Variants in AGO2 observed in about 807,000 individuals in gnomAD.
AGO2 encodes protein argonaute-2.
In AGO2, 5 loss-of-function variants were observed where a neutral mutation model predicts 102.3. The ratio of observed to expected loss-of-function variants is 0.05; its 90% CI spans 0.03 to 0.10. The LOEUF (loss-of-function observed/expected upper bound fraction) is 0.10. Ranked by LOEUF, AGO2 falls within the 10% of genes least tolerant of loss-of-function variation. The pLI is 1.00. For missense variants in AGO2, 541 were observed against 1,183.7 expected (o/e 0.46, Z 7.97); for synonymous variants, 449 against 473.1 (o/e 0.95, Z 0.66).
chr8:140,629,632 G>A (rs1432555570), intron 1 of AGO2, among the ~76,000 whole-genome samples: 1 of 151,774 alleles, frequency 6.6e-6, no homozygotes, highest in Non-Finnish European at 1.5e-5. Flanking sequence ...TTGAATCCAG[G>A]AGCTCCAGAA....
intron 1 of AGO2, among the ~76,000 whole-genome samples, chr8:140,608,785 T>C (rs907528060): frequency 1.3e-5 from 2 of 152,228 alleles, no homozygotes; most frequent in Non-Finnish European, 2.9e-5. Flanking sequence ...GCGAGACCTA[T>C]TACTTTCCAG....
At chr8:140,569,476 T>TTATAGTTG (rs2073343910) in intron 3 of AGO2, among the ~76,000 whole-genome samples, 1 of 152,204 alleles carries the variant, frequency 6.6e-6, no homozygotes, top group African/African-American at 2.4e-5. Context: ...TTTAGGGAGT[T>TTATAGTTG]TATAGTTGTC....
intron 1 of AGO2, among the ~76,000 whole-genome samples, chr8:140,622,174 C>A (rs948570093): frequency 6.6e-6 from 1 of 152,204 alleles, no homozygotes; most frequent in African/African-American, 2.4e-5. Flanking sequence ...AGAACATACT[C>A]GGAACAGGTC....
intron 3 of AGO2, among the ~76,000 whole-genome samples, chr8:140,571,841 G>T (rs957919851): frequency 6.6e-6 from 1 of 152,170 alleles, no homozygotes; most frequent in African/African-American, 2.4e-5. Context: ...CGCCTCCCAG[G>T]TTCAAGCGAT....
rs146717042 is a variant in AGO2 at position 140,619,837 on chromosome 8, G to C, written c.22+15648C>G. 7.8e-3 allele frequency among the ~76,000 whole-genome samples: 1,192 copies of C among 152,326 alleles called. 15 individuals are homozygous for C. Among genetic ancestry groups the C allele is most frequent in the Non-Finnish European group, 8.5e-3 (575 of 68,040 alleles). Reference sequence around the variant, plus strand: ...AATGGGGGAGGCGAGAAACCCTGCTGGGGTGGATGTGAATCTGAAACACCG... The same window carrying C: ...AATGGGGGAGGCGAGAAACCCTGCTCGGGTGGATGTGAATCTGAAACACCG... On this transcript the variant is annotated intron_variant, in intron 1 of 18. Transcript: ENST00000220592.
chr8:140,635,567 A>C lies in AGO2; in HGVS notation c.-61T>G. 1 of 968,802 alleles carries C rather than the reference A, an allele frequency of 1.0e-6. No individual in the cohort carries two copies. Among genetic ancestry groups the C allele is most frequent in the South Asian group, 4.7e-5 (1 of 21,260 alleles). 60.0% of individuals were successfully genotyped at this position (968,802 alleles called of 1,614,324 possible). A position where few individuals can be genotyped will look rare whatever the true frequency, so the allele number is the denominator to read the frequency against. Reference sequence around the variant, plus strand: ...GGCCGCGCGCGCGCCACGGGCCCCGACGCCGCGAGCCGCGAGGGAGCCGCC... The same window carrying C: ...GGCCGCGCGCGCGCCACGGGCCCCGCCGCCGCGAGCCGCGAGGGAGCCGCC... On this transcript the variant is annotated 5_prime_UTR_variant, in exon 1 of 19. Coordinates refer to ENST00000220592, the MANE Select transcript of AGO2 (RefSeq NM_012154.5).
chr8:140,549,396 C>T, intron 11 of AGO2, 98 bp from the exon 12 acceptor site: 3 of 1,268,324 alleles, frequency 2.4e-6, no homozygotes, highest in Non-Finnish European at 3.2e-6. Context: ...TTTACAAAGC[C>T]CAAAGCACTT....
rs988299356 is a variant in AGO2 at position 140,525,651 on chromosome 8, G to A, written c.*6393C>T. 1 of 152,238 alleles carries A rather than the reference G, an allele frequency of 6.6e-6. No homozygotes were observed. Among genetic ancestry groups the A allele is most frequent in the African/African-American group, 2.4e-5 (1 of 41,430 alleles). The allele number at this position is 152,238 out of a possible 1,614,324, so 9.4% of individuals were successfully genotyped here. A position where few individuals can be genotyped will look rare whatever the true frequency, so the allele number is the denominator to read the frequency against. On this transcript the variant is annotated 3_prime_UTR_variant, in exon 19 of 19. Coordinates refer to ENST00000220592, the MANE Select transcript of AGO2 (RefSeq NM_012154.5). ...GCCGGGGCCAAACTCAATGTCTGAT[G>A]AGCAGCCAACATGAGAACGGGGCCA...
At position 140,522,140 on chromosome 8, in the gene AGO2, A is replaced by G. The variant is rs1464250699; in HGVS notation, c.*9904T>C. 1 of 152,172 alleles carries G rather than the reference A, an allele frequency of 6.6e-6. No individual in the cohort carries two copies. Among genetic ancestry groups the G allele is most frequent in the East Asian group, 1.9e-4 (1 of 5,200 alleles). 9.4% of individuals were successfully genotyped at this position (152,172 alleles called of 1,614,324 possible). A position where few individuals can be genotyped will look rare whatever the true frequency, so the allele number is the denominator to read the frequency against. On this transcript the variant is annotated 3_prime_UTR_variant, in exon 19 of 19. Transcript: ENST00000220592. ...ATATAAATAAAATATGTACTGTTTC[A>G]TACTGAATTTTTTCAATGCATTGGG...
chr8:140,589,139 A>T lies in AGO2; in HGVS notation c.23-3828T>A, dbSNP rs2073709365. Among the ~76,000 whole-genome samples the T allele has an allele frequency of 6.6e-6, 1 of 152,120 alleles. No individual in the cohort carries two copies. The highest frequency in any genetic ancestry group is 1.5e-5 in the Non-Finnish European group (1 of 68,012). Reference sequence around the variant, plus strand: ...TTGGCTCCTCCCCGACTTTTCAGGGAGGGATGTGGAGCAGACTCTGTGCCA... The same window carrying T: ...TTGGCTCCTCCCCGACTTTTCAGGGTGGGATGTGGAGCAGACTCTGTGCCA... On this transcript the variant is annotated intron_variant, in intron 1 of 18. Coordinates refer to ENST00000220592, the MANE Select transcript of AGO2 (RefSeq NM_012154.5). The surrounding 1 kb of genome is among the most constrained non-coding windows in gnomAD (Gnocchi z 4.2).
intron 13 of AGO2, among the ~76,000 whole-genome samples, chr8:140,544,853 C>T (rs1316206862): frequency 6.6e-6 from 1 of 152,180 alleles, no homozygotes; most frequent in African/African-American, 2.4e-5. Flanking sequence ...ACTTTCAGAC[C>T]CTGAGTATAT....
chr8:140,594,767 C>T (rs2073799739), intron 1 of AGO2, among the ~76,000 whole-genome samples: 4 of 151,890 alleles, frequency 2.6e-5, no homozygotes. Flanking sequence ...CGAGATCACA[C>T]CTCTGCCCTC....
At chr8:140,636,360 C>T (rs1026578703), upstream of AGO2, 5 of 152,260 alleles carry the variant, frequency 3.3e-5, no homozygotes. Context: ...CCTGCTCGGA[C>T]CGTCGTGCAC....
At chr8:140,611,570 C>T (rs1205726993) in intron 1 of AGO2, among the ~76,000 whole-genome samples, 2 of 152,040 alleles carry the variant, frequency 1.3e-5, no homozygotes, top group East Asian at 1.9e-4. Context: ...TCAGGTGATC[C>T]GCCCACCTCG....
At position 140,532,485 on chromosome 8, in the gene AGO2, G is replaced by A. The variant is rs1238499211; in HGVS notation, c.2402C>T (p.Ala801Val). The change falls in exon 18 of 19, where the codon GCG becomes GTG. Residue 801 changes from alanine to valine, a missense_variant. By Grantham distance (64) the Ala-to-Val change is moderately conservative. Transcript: ENST00000220592. ...VRCTRSVSIP[A>V]PAYYAHLVAF... is the part of the protein sequence containing the mutation. ...CACCAGGTGAGCGTAGTATGCTGGC[G>A]CTGGGATGGACACGGAGCGTGTGCA... The A allele has an allele frequency of 1.9e-6, 3 of 1,614,160 alleles. No individual in the cohort carries two copies. The highest frequency in any genetic ancestry group is 1.3e-5 in the African/African-American group (1 of 74,958).
chr8:140,560,549 T>C (rs767100614), intron 4 of AGO2, 39 bp from the exon 5 acceptor site: 8 of 1,590,694 alleles, frequency 5.0e-6, no homozygotes, highest in African/African-American at 2.7e-5. Context: ...CCGTCAGATG[T>C]GTCTTCCGGA....
Position 140,635,597 on chromosome 8 carries a change from G to C in AGO2, c.-91C>G. On this transcript the variant is annotated 5_prime_UTR_variant, in exon 1 of 19. Transcript: ENST00000220592. ...GCGAGCCGCGAGGGAGCCGCCGGCC[G>C]CACGATCCGCCCCGGCGCGGCCGCC... 2.3e-6 allele frequency: 2 copies of C among 886,304 alleles called. No individual in the cohort carries two copies. Among genetic ancestry groups the C allele is most frequent in the Non-Finnish European group, 2.7e-6 (2 of 742,648 alleles). The allele number at this position is 886,304 out of a possible 1,614,324, so 54.9% of individuals were successfully genotyped here. A position where few individuals can be genotyped will look rare whatever the true frequency, so the allele number is the denominator to read the frequency against.
chr8:140,622,042 C>T (rs1475906188), intron 1 of AGO2, among the ~76,000 whole-genome samples: 1 of 152,214 alleles, frequency 6.6e-6, no homozygotes, highest in East Asian at 1.9e-4. Flanking sequence ...GGGACATATC[C>T]ATACACTCGG....
chr8:140,558,448 C>T, intron 7 of AGO2, 37 bp downstream of exon 7: 2 of 1,610,654 alleles, frequency 1.2e-6, no homozygotes, highest in Non-Finnish European at 8.5e-7. Flanking sequence ...ACAGTGGGGG[C>T]CCCAGCCAAG....
Sources: gnomAD v4.1 joint callset for allele counts (sites outside exome capture counted in the v4.1 genomes callset) on GRCh38, gnomAD v4.1.1 for gene constraint, Gnocchi (gnomAD v3.1) non-coding constraint, MANE v1.5 for transcripts, NCBI Gene and HGNC (gene_info 2026-07-23, HGNC 2026-07-21) for gene names.